Variants in TNFAIP8 observed in about 807,000 individuals in gnomAD.
The protein encoded by TNFAIP8 is TNF alpha induced protein 8.
TNFAIP8 carries 7 observed loss-of-function variants against 13.3 expected under a neutral mutation model. The ratio of observed to expected loss-of-function variants is 0.52; its 90% CI spans 0.30 to 0.99. The LOEUF is 0.99. Ranked by LOEUF, TNFAIP8 falls within the 50% of genes least tolerant of loss-of-function variation. The pLI, the probability that TNFAIP8 is intolerant of heterozygous loss-of-function variation, is 0.07. For synonymous variants in TNFAIP8, 94 were observed against 87.6 expected (o/e 1.07, Z -0.41); for missense variants, 258 against 236.9 (o/e 1.09, Z -0.58).
chr5:119,348,515 C>G (rs985257387), intron 1 of TNFAIP8, among the ~76,000 whole-genome samples: 6 of 152,030 alleles, frequency 3.9e-5, no homozygotes, highest in Admixed American at 3.3e-4. Flanking sequence ...TAAAGTTTGT[C>G]AAGGCAATTC....
intron 1 of TNFAIP8, among the ~76,000 whole-genome samples, chr5:119,345,696 G>A (rs1176170613): frequency 1.3e-5 from 2 of 152,188 alleles, no homozygotes; most frequent in Non-Finnish European, 2.9e-5. Context: ...GTTGCCAGGG[G>A]CTGACAGGAG....
chr5:119,302,219 A>G (rs1310567996), intron 1 of TNFAIP8, among the ~76,000 whole-genome samples: 1 of 152,236 alleles, frequency 6.6e-6, no homozygotes, highest in Non-Finnish European at 1.5e-5. Context: ...TTTAAGGTAT[A>G]GCTTCCCTGT....
In TNFAIP8 at chr5:119,368,430, C is replaced by T. The variant is rs1242711642; in HGVS notation, c.31+12309C>T. On this transcript the variant is annotated intron_variant, in intron 1 of 1. Coordinates refer to ENST00000504771, the MANE Select transcript of TNFAIP8 (RefSeq NM_014350.4). ...TCTTTCACTTACCTATTCTAAGCAG[C>T]GTGTGTGTGTGTGTGTGTGTGTGTG... 4.5e-5 allele frequency among the ~76,000 whole-genome samples: 6 copies of T among 133,088 alleles called. No homozygotes were observed. In the East Asian group the frequency reaches 1.0e-3, roughly 23 times the overall value. The allele number at this position is 133,088 out of a possible 152,430, so 87.3% of individuals were successfully genotyped here. A position where few individuals can be genotyped will look rare whatever the true frequency, so the allele number is the denominator to read the frequency against.
chr5:119,312,865 A>G (rs551513032), intron 1 of TNFAIP8, among the ~76,000 whole-genome samples: 1 of 152,280 alleles, frequency 6.6e-6, no homozygotes, highest in Non-Finnish European at 1.5e-5. Flanking sequence ...CAGAATAGGC[A>G]AATGTGGTAA....
At chr5:119,285,268 A>T (rs1441969355) in intron 1 of TNFAIP8, among the ~76,000 whole-genome samples, 1 of 152,172 alleles carries the variant, frequency 6.6e-6, no homozygotes, top group Non-Finnish European at 1.5e-5. Context: ...ACTATAAATC[A>T]TCTCTAATCC....
intron 1 of TNFAIP8, among the ~76,000 whole-genome samples, chr5:119,380,250 G>GT (rs1752440136): frequency 6.6e-6 from 1 of 152,214 alleles, no homozygotes. Flanking sequence ...AAAATCAACT[G>GT]TAAGTTTTCT....
At chr5:119,372,004 G>A (rs1213123902) in intron 1 of TNFAIP8, among the ~76,000 whole-genome samples, 1 of 152,032 alleles carries the variant, frequency 6.6e-6, no homozygotes, top group Non-Finnish European at 1.5e-5. Context: ...GGGCGTGGTG[G>A]CGGGCACCTA....
chr5:119,340,629 G>C (rs62375115), intron 1 of TNFAIP8, among the ~76,000 whole-genome samples: 1,772 of 152,312 alleles, frequency 0.012, 19 homozygotes, highest in Non-Finnish European at 0.019. Flanking sequence ...CGATTCTTGG[G>C]TTCTGGGCAG....
intron 1 of TNFAIP8, among the ~76,000 whole-genome samples, chr5:119,300,562 A>G (rs974427352): frequency 6.6e-6 from 1 of 152,084 alleles, no homozygotes; most frequent in African/African-American, 2.4e-5. Flanking sequence ...GATAGTTACC[A>G]TTTTTTCTTG....
chr5:119,344,674 T>A (rs565201439), intron 1 of TNFAIP8, among the ~76,000 whole-genome samples: 1 of 152,172 alleles, frequency 6.6e-6, no homozygotes, highest in South Asian at 2.1e-4. Context: ...TAGGCAACGC[T>A]AACTAGAGAT....
chr5:119,357,727 T>C (rs1581640649), intron 1 of TNFAIP8, among the ~76,000 whole-genome samples: 1 of 152,016 alleles, frequency 6.6e-6, no homozygotes, highest in Middle Eastern at 3.4e-3. Context: ...CCACTTGTCA[T>C]CATTTACATT....
chr5:119,341,859 CT>C (rs1750749679), intron 1 of TNFAIP8, among the ~76,000 whole-genome samples: 2 of 152,206 alleles, frequency 1.3e-5, no homozygotes, highest in Non-Finnish European at 1.5e-5. Flanking sequence ...CTCACTTCTG[CT>C]TTGCAAGTTG....
chr5:119,288,873 T>G (rs1466322885), intron 1 of TNFAIP8, among the ~76,000 whole-genome samples: 1 of 152,208 alleles, frequency 6.6e-6, no homozygotes, highest in Non-Finnish European at 1.5e-5. Context: ...CTGCACAGAA[T>G]TATAACAAGC....
chr5:119,357,958 T>A (rs933943858), intron 1 of TNFAIP8, among the ~76,000 whole-genome samples: 8 of 152,130 alleles, frequency 5.3e-5, no homozygotes, highest in African/African-American at 1.9e-4. Context: ...GGGTGTGTTT[T>A]CTCCAAGGCT....
intron 1 of TNFAIP8, chr5:119,333,053 T>C (rs554255662): frequency 3.7e-6 from 1 of 269,828 alleles, no homozygotes; most frequent in Non-Finnish European, 5.7e-6. Context: ...GTGTTTTTTT[T>C]ATTTTCTTTT....
intron 1 of TNFAIP8, chr5:119,333,639 A>T: frequency 1.3e-6 from 2 of 1,529,994 alleles, no homozygotes; most frequent in Non-Finnish European, 1.8e-6. Context: ...TAGGTGAGTT[A>T]AAACGGCCTT....
intron 1 of TNFAIP8, among the ~76,000 whole-genome samples, chr5:119,342,440 T>C (rs1158704622): frequency 6.6e-6 from 1 of 152,262 alleles, no homozygotes; most frequent in East Asian, 1.9e-4. Context: ...GTATTTGGTG[T>C]TGGCCAATGG....
In TNFAIP8 at chr5:119,398,329, A is replaced by G. The variant is rs1753120817; in HGVS notation, c.*4948A>G. The stretch of plus-strand genomic sequence containing the variant: ...TTGATTTGTAGAATAATGTAAGACA[A>G]TATGTTTCTTTCTACTTTGGTTTTT... On this transcript the variant is annotated 3_prime_UTR_variant, in exon 2 of 2. Coordinates refer to ENST00000504771, the MANE Select transcript of TNFAIP8 (RefSeq NM_014350.4). 1 of 152,214 alleles carries G rather than the reference A, an allele frequency of 6.6e-6. No individual in the cohort carries two copies. Among genetic ancestry groups the G allele is most frequent in the South Asian group, 2.1e-4 (1 of 4,824 alleles). 9.4% of individuals were successfully genotyped at this position (152,214 alleles called of 1,614,324 possible).
chr5:119,384,026 A>G (rs1330123327), intron 1 of TNFAIP8, among the ~76,000 whole-genome samples: 3 of 152,228 alleles, frequency 2.0e-5, no homozygotes, highest in African/African-American at 7.2e-5. Flanking sequence ...AAGCTCATGT[A>G]TTATAGTGTA....
Sources: gnomAD v4.1 joint callset for allele counts (sites outside exome capture counted in the v4.1 genomes callset) on GRCh38, gnomAD v4.1.1 for gene constraint, MANE v1.5 for transcripts, NCBI Gene and HGNC (gene_info 2026-07-23, HGNC 2026-07-21) for gene names.